ERBB4: variants seen among roughly 807,000 people sequenced by gnomAD.
The protein encoded by ERBB4 is erb-b2 receptor tyrosine kinase 4.
In ERBB4, 42 loss-of-function variants were observed where a neutral mutation model predicts 158.0. The ratio of observed to expected loss-of-function variants is 0.27; its 90% confidence interval spans 0.21 to 0.34. ERBB4 has a LOEUF of 0.34. ERBB4 is among the 10% of genes least tolerant of loss of function. The pLI, the probability that ERBB4 is intolerant of heterozygous loss-of-function variation, is 1.00. For synonymous variants in ERBB4, 583 were observed against 558.7 expected (o/e 1.04, Z -0.61); for missense variants, 1,333 against 1,624.1 (o/e 0.82, Z 3.08).
chr2:211,996,926 T>G (rs1486137620), intron 2 of ERBB4, among the ~76,000 whole-genome samples: 2 of 152,220 alleles, frequency 1.3e-5, no homozygotes, highest in African/African-American at 4.8e-5. Flanking sequence ...AGATTTTAAC[T>G]GCTTTTGTTG....
chr2:212,399,545 CATATATAT>C (rs869111881), intron 1 of ERBB4, among the ~76,000 whole-genome samples: 70 of 38,082 alleles, frequency 1.8e-3, no homozygotes, highest in African/African-American at 4.7e-3. Flanking sequence ...TTTATATATA[CATATATAT>C]ATATATATAT....
intron 4 of ERBB4, among the ~76,000 whole-genome samples, chr2:211,786,579 T>A (rs2076169637): frequency 7.2e-5 from 11 of 152,206 alleles, no homozygotes; most frequent in Admixed American, 7.2e-4. Context: ...AGAGACACCA[T>A]CTGTGAAAGT....
chr2:211,545,284 T>C (rs773161395), intron 20 of ERBB4, among the ~76,000 whole-genome samples: 3 of 152,014 alleles, frequency 2.0e-5, no homozygotes, highest in Admixed American at 1.3e-4. Flanking sequence ...CCTTCACAAA[T>C]TGAGTGCACC....
chr2:212,046,307 G>C (rs1199032938), intron 2 of ERBB4, among the ~76,000 whole-genome samples: 1 of 152,180 alleles, frequency 6.6e-6, no homozygotes. Flanking sequence ...GAGGGACCTA[G>C]GCCCCAGAGA....
At chr2:211,639,638 G>A (rs1366743916) in intron 16 of ERBB4, among the ~76,000 whole-genome samples, 6 of 152,090 alleles carry the variant, frequency 3.9e-5, no homozygotes, top group South Asian at 4.1e-4. Flanking sequence ...TTTATCTATC[G>A]AAGCATTAAG....
intron 1 of ERBB4, among the ~76,000 whole-genome samples, chr2:212,270,592 G>C (rs948363490): frequency 6.6e-6 from 1 of 151,736 alleles, no homozygotes; most frequent in African/African-American, 2.4e-5. Context: ...TGCCAGAAAC[G>C]ACACTATGCC....
intron 1 of ERBB4, among the ~76,000 whole-genome samples, chr2:212,189,221 T>C (rs79602147): frequency 0.023 from 3,567 of 152,240 alleles, 60 homozygotes; most frequent in Non-Finnish European, 0.035. Context: ...TTTTGCAGCA[T>C]TTCAGATTCT....
intron 5 of ERBB4, among the ~76,000 whole-genome samples, chr2:211,747,830 T>C (rs962877415): frequency 6.6e-6 from 1 of 151,804 alleles, no homozygotes; most frequent in Non-Finnish European, 1.5e-5. Flanking sequence ...TAATATATAA[T>C]ATGTATACAG....
At chr2:212,471,800 T>C (rs1336885863) in intron 1 of ERBB4, among the ~76,000 whole-genome samples, 2 of 151,898 alleles carry the variant, frequency 1.3e-5, no homozygotes, top group East Asian at 3.8e-4. Context: ...ACTGCTATAG[T>C]ATATTTAATA....
chr2:211,799,609 A>T (rs1447176371), intron 3 of ERBB4, among the ~76,000 whole-genome samples: 2 of 152,178 alleles, frequency 1.3e-5, no homozygotes, highest in East Asian at 3.9e-4. Context: ...ATCAAAAAGT[A>T]TGAGATAATT....
intron 2 of ERBB4, among the ~76,000 whole-genome samples, chr2:211,975,867 C>A (rs888507608): frequency 6.6e-6 from 1 of 152,144 alleles, no homozygotes; most frequent in East Asian, 1.9e-4. Context: ...TCAACCAAAA[C>A]ATTCCCTCAA....
intron 19 of ERBB4, among the ~76,000 whole-genome samples, chr2:211,568,682 A>T (rs1203767192): frequency 1.3e-5 from 2 of 152,194 alleles, no homozygotes; most frequent in Non-Finnish European, 2.9e-5. Flanking sequence ...AGATTAAAAG[A>T]GAGATAGAGG....
At chr2:211,609,584 C>T (rs1431151354) in intron 19 of ERBB4, among the ~76,000 whole-genome samples, 1 of 152,064 alleles carries the variant, frequency 6.6e-6, no homozygotes, top group African/African-American at 2.4e-5. Flanking sequence ...GCTCTGTCAC[C>T]CAGGCTAGAA....
At chr2:211,898,917 T>C (rs2079164352) in intron 3 of ERBB4, among the ~76,000 whole-genome samples, 1 of 152,168 alleles carries the variant, frequency 6.6e-6, no homozygotes, top group Non-Finnish European at 1.5e-5. Flanking sequence ...ACAAGTGGCA[T>C]GGAATCTTCA....
chr2:211,761,891 T>C (rs1322674466), intron 4 of ERBB4, among the ~76,000 whole-genome samples: 2 of 152,340 alleles, frequency 1.3e-5, no homozygotes, highest in Admixed American at 1.3e-4. Flanking sequence ...CCCCAGCTAT[T>C]AAATCATTTT....
intron 18 of ERBB4, among the ~76,000 whole-genome samples, chr2:211,622,262 A>G (rs1323146809): frequency 6.6e-6 from 1 of 152,202 alleles, no homozygotes; most frequent in Non-Finnish European, 1.5e-5. Context: ...GTTTTTTTCT[A>G]GCACAATCTA....
rs1039674233 is a variant in ERBB4 at position 212,181,789 on chromosome 2, C to A, written c.83-56886G>T. On this transcript the variant is annotated intron_variant, in intron 1 of 27. Coordinates refer to ENST00000342788, the MANE Select transcript of ERBB4 (RefSeq NM_005235.3). ...ACCCAATTTCCAATTAGAATCAACA[C>A]TTAAAATTCTTCAAGTTCCTAAGAG... Among the ~76,000 whole-genome samples, 6 of 151,750 alleles carry A rather than the reference C, an allele frequency of 4.0e-5. No homozygotes were observed. In the South Asian group the frequency reaches 1.2e-3, roughly 31 times the overall value.
At chr2:212,267,820 G>C (rs1343151125) in intron 1 of ERBB4, among the ~76,000 whole-genome samples, 1 of 149,016 alleles carries the variant, frequency 6.7e-6, no homozygotes, top group Non-Finnish European at 1.5e-5. Flanking sequence ...ATCATGGCCA[G>C]ACTTCAAAAT....
chr2:211,523,087 G>C (rs1012933837), intron 20 of ERBB4, among the ~76,000 whole-genome samples: 1 of 149,128 alleles, frequency 6.7e-6, no homozygotes, highest in African/African-American at 2.5e-5. Context: ...AGAATGAAAG[G>C]GGTAGAGCAA....
Sources: gnomAD v4.1 joint callset for allele counts (sites outside exome capture counted in the v4.1 genomes callset) on GRCh38, gnomAD v4.1.1 for gene constraint, MANE v1.5 for transcripts, NCBI Gene and HGNC (gene_info 2026-07-23, HGNC 2026-07-21) for gene names.